Variants in CMYA5 observed in about 807,000 individuals in gnomAD.
CMYA5 encodes cardiomyopathy associated 5, also known as cardiomyopathy-associated protein 5.
Under a neutral mutation model 318.9 loss-of-function variants are expected in CMYA5, and 246 were observed. The observed-to-expected ratio is 0.77, with a 90% CI of 0.70 to 0.86. The LOEUF is 0.86. Among genes scored for constraint, CMYA5 ranks in the 40% least tolerant of loss-of-function variants. CMYA5 has a pLI of 0.00. For synonymous variants in CMYA5, 1,641 were observed against 1,729.5 expected (o/e 0.95, Z 1.27); for missense variants, 4,589 against 4,678.2 (o/e 0.98, Z 0.56).
At chr5:79,744,800 A>G (rs1287124208) in intron 3 of CMYA5, among the ~76,000 whole-genome samples, 1 of 152,160 alleles carries the variant, frequency 6.6e-6, no homozygotes, top group African/African-American at 2.4e-5. Flanking sequence ...ACTGGAGAAC[A>G]TTTGGGGAGG....
In CMYA5 at chr5:79,720,337, T is replaced by G. The variant is rs183040115; in HGVS notation, c.150-8578T>G. On this transcript the variant is annotated intron_variant, in intron 1 of 12. Transcript: ENST00000446378. ...ATCTTCAAAAAAGTGACAGTTACACTGACAGCCAACTTATCAATACAAACA... is the reference window on the plus strand; with the variant it reads ...ATCTTCAAAAAAGTGACAGTTACACGGACAGCCAACTTATCAATACAAACA... 2.2e-4 allele frequency among the ~76,000 whole-genome samples: 33 copies of G among 152,006 alleles called. No homozygotes were observed. In the East Asian group the frequency reaches 6.4e-3, roughly 29 times the overall value.
chr5:79,768,153 G>T (rs1222150883), intron 9 of CMYA5, among the ~76,000 whole-genome samples: 1 of 151,510 alleles, frequency 6.6e-6, no homozygotes, highest in East Asian at 1.9e-4. Context: ...CATTTGCTTG[G>T]TAAGTATTCC....
chr5:79,764,828 T>C (rs1257321094), intron 9 of CMYA5, among the ~76,000 whole-genome samples: 1 of 152,178 alleles, frequency 6.6e-6, no homozygotes, highest in East Asian at 1.9e-4. Context: ...TTGCCCACTT[T>C]TTGATGGGGT....
chr5:79,746,609 A>T (rs1235819545), intron 4 of CMYA5, among the ~76,000 whole-genome samples: 3 of 150,770 alleles, frequency 2.0e-5, no homozygotes, highest in Non-Finnish European at 2.9e-5. Context: ...CTCATTTTTT[A>T]AAATTGGAAA....
chr5:79,708,236 T>C (rs1238994578), intron 1 of CMYA5, among the ~76,000 whole-genome samples: 1 of 152,134 alleles, frequency 6.6e-6, no homozygotes, highest in African/African-American at 2.4e-5. Flanking sequence ...CTTAGCACTG[T>C]GGGGTATATT....
At chr5:79,707,007 CT>C (rs1827286595) in intron 1 of CMYA5, among the ~76,000 whole-genome samples, 1 of 152,112 alleles carries the variant, frequency 6.6e-6, no homozygotes, top group Non-Finnish European at 1.5e-5. Context: ...AGTTTTTTTG[CT>C]TCGTTTTAAT....
rs78092678 is a variant in CMYA5 at position 79,737,109 on chromosome 5, A to T, written c.8344A>T (p.Met2782Leu). 2.8e-3 allele frequency: 4,476 copies of T among 1,613,630 alleles called. 46 individuals carry two copies. The highest frequency in any genetic ancestry group is 0.025 in the African/African-American group (1,843 of 75,032). ...TTCAGTAGATATCACAAAAGAAAGTATGAAAGAAGGATTTCCATCTAAAGA... is the reference window on the plus strand; with the variant it reads ...TTCAGTAGATATCACAAAAGAAAGTTTGAAAGAAGGATTTCCATCTAAAGA... ...GGSVDITKES[M>L]KEGFPSKESE... Residue 2782 changes from methionine to leucine, a missense_variant, in exon 2 of 13, where the codon ATG becomes TTG. Met to Leu is a conservative substitution (Grantham distance 15). This residue lies in a region of CMYA5 where 2,431 missense variants were observed against 2,495.1 expected (regional missense o/e 0.97). Transcript: ENST00000446378.
chr5:79,739,466 A>G (rs561616889), intron 2 of CMYA5, 63 bp downstream of exon 2: 16 of 1,185,998 alleles, frequency 1.3e-5, no homozygotes, highest in African/African-American at 4.7e-5. Flanking sequence ...TTGCTTTTAC[A>G]TTTTCTCAAT....
chr5:79,730,737 A>C lies in CMYA5; in HGVS notation c.1972A>C (p.Thr658Pro), dbSNP rs1487231726. Residue 658 changes from threonine (T) to proline (P), a missense_variant, in exon 2 of 13, where the codon ACT becomes CCT. Thr to Pro is a conservative substitution (Grantham distance 38, BLOSUM62 -1). Around this residue, in one of 3 missense-constraint regions of CMYA5, gnomAD observed 2,132 missense variants for 2,131.3 expected, o/e 1.00. Coordinates refer to ENST00000446378, the MANE Select transcript of CMYA5 (RefSeq NM_153610.5). ...TGAGAGCTCTCTCTCACCATCCACA[A>C]CTGAGAAGACTTCAGAGAACCAGTC... The part of the protein sequence containing the change: ...TSESSLSPST[T>P]EKTSENQSPL... 1 of 1,613,838 alleles carries C rather than the reference A, an allele frequency of 6.2e-7. No individual in the cohort carries two copies. The highest frequency in any genetic ancestry group is 8.5e-7 in the Non-Finnish European group (1 of 1,179,838).
chr5:79,785,804 A>C (rs921582449), intron 9 of CMYA5, among the ~76,000 whole-genome samples: 1 of 152,122 alleles, frequency 6.6e-6, no homozygotes, highest in South Asian at 2.1e-4. Flanking sequence ...CCCCTTAACC[A>C]TTATGACCCC....
In CMYA5 at chr5:79,729,861, C is replaced by T; in HGVS notation, c.1096C>T (p.Gln366Ter). ...QLRHSQSVPQQPEDEAKPHEV... is the reference protein window; with the variant it reads ...QLRHSQSVPQ Reference sequence around the variant, plus strand: ...CAGGCATTCACAGTCAGTGCCACAACAGCCAGAAGATGAAGCAAAACCACA... The same window carrying T: ...CAGGCATTCACAGTCAGTGCCACAATAGCCAGAAGATGAAGCAAAACCACA... The change falls in exon 2 of 13, where the codon CAG becomes TAG. Residue 366 changes from glutamine (Q) to a stop codon, truncating the protein, a stop_gained. Coordinates refer to ENST00000446378, the MANE Select transcript of CMYA5 (RefSeq NM_153610.5). LOFTEE classifies it high-confidence loss of function. The T allele has an allele frequency of 6.2e-7, 1 of 1,612,558 alleles. No homozygotes were observed. Among genetic ancestry groups the T allele is most frequent in the Non-Finnish European group, 8.5e-7 (1 of 1,179,152 alleles).
At chr5:79,745,657 CCAGCTGAAAGATA>C (rs1258687902) in intron 4 of CMYA5, among the ~76,000 whole-genome samples, 5 of 152,194 alleles carry the variant, frequency 3.3e-5, no homozygotes, top group South Asian at 2.1e-4. Flanking sequence ...ATGCCCAGAT[CCAGCTGAAAGATA>C]CAGCTGAAAG....
In CMYA5 at chr5:79,758,827, A is replaced by G. The variant is rs773899130; in HGVS notation, c.11185A>G (p.Met3729Val). The G allele has an allele frequency of 1.2e-6, 2 of 1,604,972 alleles. No homozygotes were observed. Among genetic ancestry groups the G allele is most frequent in the Non-Finnish European group, 1.7e-6 (2 of 1,175,838 alleles). Residue 3729 changes from methionine (M) to valine (V), a missense_variant, in exon 7 of 13, where the codon ATG becomes GTG. Met to Val is a conservative substitution (Grantham distance 21, BLOSUM62 1). Around this residue, in one of 3 missense-constraint regions of CMYA5, gnomAD observed 2,431 missense variants for 2,495.1 expected, o/e 0.97. Coordinates refer to ENST00000446378, the MANE Select transcript of CMYA5 (RefSeq NM_153610.5). ...TSTTIAVYWS[M>V]NKEDVIDSFQ... ...CACAACAATTGCAGTTTACTGGAGC[A>G]TGAACAAGGAAGATGTCATTGATTC...
In CMYA5 at chr5:79,729,637, G is replaced by T. The variant is rs535302669; in HGVS notation, c.872G>T (p.Ser291Ile). 1 of 1,613,872 alleles carries T rather than the reference G, an allele frequency of 6.2e-7. No homozygotes were observed. Among genetic ancestry groups the T allele is most frequent in the African/African-American group, 1.3e-5 (1 of 75,034 alleles). The part of the protein sequence containing the change: ...VSKTRKLVAQ[S>I]IEDKVKEVFP... ...AAAACACGCAAATTAGTAGCCCAAA[G>T]CATAGAGGATAAAGTAAAAGAGGTT... The change falls in exon 2 of 13, where the codon AGC (serine) becomes ATC (isoleucine). Residue 291 changes from serine (S) to isoleucine (I), a missense_variant. Transcript: ENST00000446378.
chr5:79,698,526 A>G lies in CMYA5; in HGVS notation c.149+8470A>G, dbSNP rs537142010. Among the ~76,000 whole-genome samples the G allele has an allele frequency of 5.9e-5, 9 of 152,292 alleles. No homozygotes were observed. The South Asian group carries it at 1.9e-3, about 32-fold the overall frequency. On this transcript the variant is annotated intron_variant, in intron 1 of 12. Coordinates refer to ENST00000446378, the MANE Select transcript of CMYA5 (RefSeq NM_153610.5). ...TTCACTACATGCAAGCCAGCAGGCT[A>G]ATGAGCTTGTTCCTCATCCAGGTCT...
At chr5:79,728,539 G>T (rs1827797848) in intron 1 of CMYA5, among the ~76,000 whole-genome samples, 1 of 152,094 alleles carries the variant, frequency 6.6e-6, no homozygotes, top group South Asian at 2.1e-4. Context: ...GGCGATCGTG[G>T]TAACAGAGAG....
At position 79,735,801 on chromosome 5, in the gene CMYA5, G is replaced by A. The variant is rs769683195; in HGVS notation, c.7036G>A (p.Val2346Ile). ...VPPHVTDSKRVQKPAIAPPSK... is the reference protein window; with the variant it reads ...VPPHVTDSKRIQKPAIAPPSK... ...TCCTCATGTTACTGATAGTAAAAGA[G>A]TCCAGAAGCCAGCAATCGCTCCTCC... Residue 2346 changes from valine (V) to isoleucine (I), a missense_variant, in exon 2 of 13, where the codon GTC becomes ATC. Physicochemically the swap from Val to Ile is conservative, Grantham distance 29 (BLOSUM62 3). Coordinates refer to ENST00000446378, the MANE Select transcript of CMYA5 (RefSeq NM_153610.5). 2 of 1,551,982 alleles carry A rather than the reference G, an allele frequency of 1.3e-6. No individual in the cohort carries two copies. Among genetic ancestry groups the A allele is most frequent in the Admixed American group, 4.3e-5 (2 of 46,470 alleles).
At chr5:79,792,743 C>T (rs1398106228) in intron 11 of CMYA5, among the ~76,000 whole-genome samples, 1 of 152,202 alleles carries the variant, frequency 6.6e-6, no homozygotes, top group African/African-American at 2.4e-5. Context: ...ACAAGGTCAC[C>T]CATCAGCAGT....
chr5:79,799,069 T>G (rs1441187026), intron 12 of CMYA5, among the ~76,000 whole-genome samples: 1 of 152,158 alleles, frequency 6.6e-6, no homozygotes, highest in Non-Finnish European at 1.5e-5. Flanking sequence ...TTAAAACATG[T>G]GGGCAGCTGG....
Sources: gnomAD v4.1 joint callset for allele counts (sites outside exome capture counted in the v4.1 genomes callset) on GRCh38, gnomAD v4.1.1 for gene constraint, gnomAD v4.1.1 regional missense constraint, MANE v1.5 for transcripts, NCBI Gene and HGNC (gene_info 2026-07-23, HGNC 2026-07-21) for gene names.